CNKSR3: variants seen among roughly 807,000 people sequenced by gnomAD.
The protein encoded by CNKSR3 is CNKSR family member 3.
A neutral mutation model predicts 67.7 loss-of-function variants in CNKSR3; 36 were observed. That is an observed-to-expected ratio of 0.53 (90% CI 0.41 to 0.70). CNKSR3 has a LOEUF of 0.70. CNKSR3 is among the 30% of genes least tolerant of loss of function. The pLI is 0.00. For synonymous variants in CNKSR3, 281 were observed against 271.4 expected (o/e 1.04, Z -0.35); for missense variants, 630 against 695.2 (o/e 0.91, Z 1.05).
At chr6:154,461,743 A>C (rs563449205) in intron 1 of CNKSR3, among the ~76,000 whole-genome samples, 1 of 152,372 alleles carries the variant, frequency 6.6e-6, no homozygotes, top group Admixed American at 6.5e-5. Flanking sequence ...AAAATAAAAG[A>C]AACTGGGGCT....
chr6:154,410,804 A>G, intron 11 of CNKSR3, 130 bp downstream of exon 11: 1 of 704,936 alleles, frequency 1.4e-6, no homozygotes, highest in Non-Finnish European at 2.4e-6. Context: ...TTAGAATTTC[A>G]TTGAGGTTTA....
At chr6:154,496,093 G>T (rs985646350) in intron 1 of CNKSR3, among the ~76,000 whole-genome samples, 3 of 152,098 alleles carry the variant, frequency 2.0e-5, no homozygotes, top group Non-Finnish European at 4.4e-5. Flanking sequence ...TATACATGAC[G>T]TTACCAGAAT....
intron 2 of CNKSR3, among the ~76,000 whole-genome samples, chr6:154,445,215 A>G (rs6920899): frequency 0.29 from 44,201 of 151,956 alleles, 8,821 homozygotes; most frequent in African/African-American, 0.56. Flanking sequence ...TCTCTTCCAA[A>G]CTTTTGAAAA....
At chr6:154,473,568 C>T (rs944653979) in intron 1 of CNKSR3, among the ~76,000 whole-genome samples, 1 of 152,050 alleles carries the variant, frequency 6.6e-6, no homozygotes, top group African/African-American at 2.4e-5. Flanking sequence ...GGAATGAGGA[C>T]GTTGTACAGT....
chr6:154,438,847 G>A (rs1457003591), intron 4 of CNKSR3, among the ~76,000 whole-genome samples: 2 of 152,184 alleles, frequency 1.3e-5, no homozygotes, highest in Admixed American at 1.3e-4. Context: ...CATTCATCAT[G>A]TCCCAGGCAT....
At chr6:154,438,688 C>A (rs9479855) in intron 4 of CNKSR3, among the ~76,000 whole-genome samples, 14,291 of 152,154 alleles carry the variant, frequency 0.094, 717 homozygotes, top group Middle Eastern at 0.17. Context: ...TCAGTGAGCA[C>A]CACAGGAAAA....
chr6:154,408,222 A>T (rs1784842593), intron 12 of CNKSR3, among the ~76,000 whole-genome samples: 1 of 152,052 alleles, frequency 6.6e-6, no homozygotes, highest in African/African-American at 2.4e-5. Flanking sequence ...ACGGGGTTTC[A>T]CCATGTTGGC....
rs929131675 is a variant in CNKSR3, at chr6:154,498,613, C to T, written c.52+11450G>A. ...CTATAGGCAACCGTGTTTGCAATTC[C>T]TGTTACAAGTCTCAGTGTGATTCCT... On this transcript the variant is annotated intron_variant, in intron 1 of 12. Coordinates refer to ENST00000607772, the MANE Select transcript of CNKSR3 (RefSeq NM_173515.4). Among the ~76,000 whole-genome samples, 4 of 152,180 alleles carry T rather than the reference C, an allele frequency of 2.6e-5. No homozygotes were observed. The South Asian group carries it at 8.3e-4, about 31-fold the overall frequency.
At chr6:154,422,469 C>T (rs759270236) in intron 9 of CNKSR3, 37 bp downstream of exon 9, 3 of 1,598,384 alleles carry the variant, frequency 1.9e-6, no homozygotes, top group East Asian at 4.5e-5. Context: ...AGATACTCAA[C>T]ATTGTTGGAT....
intron 12 of CNKSR3, among the ~76,000 whole-genome samples, chr6:154,410,106 A>G (rs1192418071): frequency 6.6e-6 from 1 of 152,206 alleles, no homozygotes; most frequent in Non-Finnish European, 1.5e-5. Flanking sequence ...ACAGCACTCA[A>G]TGCTAATTAG....
chr6:154,452,086 T>C (rs1033770215), intron 1 of CNKSR3, among the ~76,000 whole-genome samples: 1 of 152,198 alleles, frequency 6.6e-6, no homozygotes, highest in Admixed American at 6.5e-5. Context: ...AGTATCTATC[T>C]GTAGCAGGCA....
At chr6:154,464,280 G>A (rs1432953846) in intron 1 of CNKSR3, among the ~76,000 whole-genome samples, 1 of 152,190 alleles carries the variant, frequency 6.6e-6, no homozygotes, top group Non-Finnish European at 1.5e-5. Context: ...AGGGACAGCA[G>A]TGTCCCCTCT....
chr6:154,484,167 A>G (rs538933021), intron 1 of CNKSR3, among the ~76,000 whole-genome samples: 1 of 152,368 alleles, frequency 6.6e-6, no homozygotes, highest in East Asian at 1.9e-4. Context: ...AAAAGAATAA[A>G]ATATTTGGAC....
At chr6:154,410,580 C>A in intron 11 of CNKSR3, 148 bp from the exon 12 acceptor site, 1 of 617,286 alleles carries the variant, frequency 1.6e-6, no homozygotes, top group East Asian at 2.8e-5. Flanking sequence ...TATTTTAAAG[C>A]ACTGTATTTC....
chr6:154,476,365 G>A (rs1029977559), intron 1 of CNKSR3, among the ~76,000 whole-genome samples: 6 of 151,556 alleles, frequency 4.0e-5, no homozygotes, highest in African/African-American at 1.5e-4. Context: ...GCTGAGGCAG[G>A]AGAATCACTT....
chr6:154,491,687 AT>A (rs2114649628), intron 1 of CNKSR3, among the ~76,000 whole-genome samples: 1 of 151,920 alleles, frequency 6.6e-6, no homozygotes, highest in East Asian at 1.9e-4. Context: ...AAAAAAAAAA[AT>A]GAAGAGATAA....
At chr6:154,417,442 GTCTT>G (rs1785046364) in intron 9 of CNKSR3, among the ~76,000 whole-genome samples, 1 of 152,148 alleles carries the variant, frequency 6.6e-6, no homozygotes, top group South Asian at 2.1e-4. Context: ...AGCATTCTTA[GTCTT>G]TCTTTCACTG....
intron 1 of CNKSR3, among the ~76,000 whole-genome samples, chr6:154,468,077 TTTC>T (rs1786243889): frequency 1.4e-5 from 1 of 73,860 alleles, no homozygotes; most frequent in Non-Finnish European, 3.6e-5. Context: ...TTTTCTTTTT[TTTC>T]TTTTTTTTTT....
chr6:154,413,358 T>G (rs1409701639), intron 10 of CNKSR3, among the ~76,000 whole-genome samples: 1 of 152,078 alleles, frequency 6.6e-6, no homozygotes, highest in Non-Finnish European at 1.5e-5. Flanking sequence ...GCCTCCTGAG[T>G]AGCTAGGACC....
Sources: allele counts gnomAD v4.1 joint callset (sites outside exome capture counted in the v4.1 genomes callset), GRCh38; gene constraint gnomAD v4.1.1; transcripts MANE v1.5; gene names NCBI Gene and HGNC (gene_info 2026-07-23, HGNC 2026-07-21).